PLEKHA8: variants seen among roughly 807,000 people sequenced by gnomAD.
PLEKHA8 encodes pleckstrin homology domain containing A8, also known as pleckstrin homology domain-containing family A member 8.
Under a neutral mutation model 68.2 loss-of-function variants are expected in PLEKHA8, and 36 were observed. That is an observed-to-expected ratio of 0.53 (90% CI 0.40 to 0.70). PLEKHA8 has a LOEUF of 0.70. PLEKHA8 is among the 30% of genes least tolerant of loss of function. The pLI is 0.00. For missense variants in PLEKHA8, 505 were observed against 615.4 expected, an observed-to-expected ratio of 0.82 and a Z score of 1.90; for synonymous variants, 211 against 216.1, an observed-to-expected ratio of 0.98 and a Z score of 0.20.
At position 30,081,990 on chromosome 7, in the gene PLEKHA8, G is replaced by T. The variant is rs534973194; in HGVS notation, c.*3203G>T. On this transcript the variant is annotated 3_prime_UTR_variant, in exon 14 of 14. Coordinates refer to ENST00000449726, the MANE Select transcript of PLEKHA8 (RefSeq NM_001197026.2). Reference sequence around the variant, plus strand: ...TAAATTGGAGAGATCCCTTTTGGGAGTGAAACCAAATTGTAACTATGAGGA... The same window carrying T: ...TAAATTGGAGAGATCCCTTTTGGGATTGAAACCAAATTGTAACTATGAGGA... 1 of 939,332 alleles carries T rather than the reference G, an allele frequency of 1.1e-6. No homozygotes were observed. Among genetic ancestry groups the T allele is most frequent in the East Asian group, 1.2e-4 (1 of 8,530 alleles). The allele number at this position is 939,332 out of a possible 1,614,324, so 58.2% of individuals were successfully genotyped here.
intron 12 of PLEKHA8, chr7:30,090,090 C>T: frequency 6.7e-7 from 1 of 1,491,534 alleles, no homozygotes. Context: ...AGATAAAATA[C>T]AGAAGATTTT....
chr7:30,119,142 G>A (rs912497023), intron 13 of PLEKHA8, among the ~76,000 whole-genome samples: 10 of 152,214 alleles, frequency 6.6e-5, no homozygotes, highest in African/African-American at 1.9e-4. Context: ...CCCAAAAGAT[G>A]ATGACTTCTG....
Position 30,081,516 on chromosome 7 carries a change from G to C in PLEKHA8, c.*2729G>C, listed in dbSNP as rs1300919925. 1 of 985,108 alleles carries C rather than the reference G, an allele frequency of 1.0e-6. No individual in the cohort carries two copies. The highest frequency in any genetic ancestry group is 1.2e-6 in the Non-Finnish European group (1 of 829,820). 61.0% of individuals were successfully genotyped at this position (985,108 alleles called of 1,614,324 possible). ...GCGCTGATGTGTAATCACTTTCCAA[G>C]AAGAGGGCAATGAGAAAAGATATTT... On this transcript the variant is annotated 3_prime_UTR_variant, in exon 14 of 14. Transcript: ENST00000449726.
chr7:30,084,228 A>C lies in PLEKHA8; in HGVS notation c.*5441A>C. 2.0e-6 allele frequency: 2 copies of C among 985,278 alleles called. No homozygotes were observed. The highest frequency in any genetic ancestry group is 2.4e-6 in the Non-Finnish European group (2 of 829,784). 61.0% of individuals were successfully genotyped at this position (985,278 alleles called of 1,614,324 possible). ...AATGTACATAGATTTCCTTGGATTA[A>C]TTTTTAAGTCACTGTTTAATTCCAT... On this transcript the variant is annotated 3_prime_UTR_variant, in exon 14 of 14. Transcript: ENST00000449726.
chr7:30,076,084 C>G (rs2127997570), intron 13 of PLEKHA8, among the ~76,000 whole-genome samples: 1 of 151,792 alleles, frequency 6.6e-6, no homozygotes, highest in East Asian at 1.9e-4. Context: ...TTTATACATG[C>G]ATATAGTATA....
intron 13 of PLEKHA8, among the ~76,000 whole-genome samples, chr7:30,115,405 TCC>T (rs1796395400): frequency 6.6e-6 from 1 of 152,106 alleles, no homozygotes; most frequent in South Asian, 2.1e-4. Context: ...AAATGTTTTC[TCC>T]TTTTTGTATT....
At chr7:30,032,690 T>G (rs1196979975) in intron 1 of PLEKHA8, among the ~76,000 whole-genome samples, 2 of 152,232 alleles carry the variant, frequency 1.3e-5, no homozygotes, top group African/African-American at 4.8e-5. Context: ...AGCAGACTAT[T>G]TCGGGGGTGG....
Position 30,082,329 on chromosome 7 carries a change from C to G in PLEKHA8, c.*3542C>G, listed in dbSNP as rs1225467224. ...CATCAGCACACCAAATCTACCCCCACTTATGTTTGTTCTGCCCCATTTCCC... is the reference window on the plus strand; with the variant it reads ...CATCAGCACACCAAATCTACCCCCAGTTATGTTTGTTCTGCCCCATTTCCC... On this transcript the variant is annotated 3_prime_UTR_variant, in exon 14 of 14. Coordinates refer to ENST00000449726, the MANE Select transcript of PLEKHA8 (RefSeq NM_001197026.2). The G allele has an allele frequency of 3.3e-5, 33 of 985,484 alleles. No individual in the cohort carries two copies. Among genetic ancestry groups the G allele is most frequent in the African/African-American group, 5.2e-5 (3 of 57,248 alleles). The allele number at this position is 985,484 out of a possible 1,614,324, so 61.0% of individuals were successfully genotyped here.
rs2128000230 is a variant in PLEKHA8 at position 30,081,451 on chromosome 7, C to G, written c.*2664C>G. The G allele has an allele frequency of 1.0e-6, 1 of 984,726 alleles. No homozygotes were observed. Among genetic ancestry groups the G allele is most frequent in the South Asian group, 4.7e-5 (1 of 21,270 alleles). 61.0% of individuals were successfully genotyped at this position (984,726 alleles called of 1,614,324 possible). ...GCATAGTCAGAGCTTCCTCCTACAT[C>G]TAAAGTATTTGCTCTCTGTTTTAGT... On this transcript the variant is annotated 3_prime_UTR_variant, in exon 14 of 14. Transcript: ENST00000449726.
At chr7:30,033,755 T>C (rs1220751416) in intron 1 of PLEKHA8, among the ~76,000 whole-genome samples, 1 of 152,136 alleles carries the variant, frequency 6.6e-6, no homozygotes, top group Non-Finnish European at 1.5e-5. Context: ...GACTGCACCA[T>C]TTTACATTCT....
chr7:30,038,908 A>G (rs1791310239), intron 1 of PLEKHA8, among the ~76,000 whole-genome samples: 1 of 152,024 alleles, frequency 6.6e-6, no homozygotes, highest in African/African-American at 2.4e-5. Context: ...CTGTTGGGAA[A>G]TTAAAAAAAA....
intron 13 of PLEKHA8, chr7:30,129,176 A>G: frequency 6.4e-7 from 1 of 1,570,140 alleles, no homozygotes. Flanking sequence ...GGAAACAATA[A>G]TATGTAACAG....
intron 13 of PLEKHA8, among the ~76,000 whole-genome samples, chr7:30,122,579 T>C (rs958052603): frequency 6.6e-6 from 1 of 152,226 alleles, no homozygotes; most frequent in Non-Finnish European, 1.5e-5. Context: ...CCCCCTTCCA[T>C]TGAGAATATC....
At chr7:30,036,035 C>T (rs941592172) in intron 1 of PLEKHA8, among the ~76,000 whole-genome samples, 1 of 152,026 alleles carries the variant, frequency 6.6e-6, no homozygotes, top group African/African-American at 2.4e-5. Context: ...ATGGGCAGAT[C>T]GCTTGAGGCC....
chr7:30,106,544 C>A (rs1484063165), intron 13 of PLEKHA8, among the ~76,000 whole-genome samples: 1 of 152,192 alleles, frequency 6.6e-6, no homozygotes, highest in Non-Finnish European at 1.5e-5. Context: ...CTCTTCTATT[C>A]ATTTGCCTAA....
intron 6 of PLEKHA8, among the ~76,000 whole-genome samples, chr7:30,051,498 T>C (rs1792406940): frequency 6.6e-6 from 1 of 152,184 alleles, no homozygotes; most frequent in South Asian, 2.1e-4. Flanking sequence ...TTTGTTCTAA[T>C]TAGGCTAGGT....
rs558571521 is a variant in PLEKHA8 at position 30,111,551 on chromosome 7, A to G, written c.1363-17715A>G. On this transcript the variant is annotated intron_variant, in intron 13 of 13. Coordinates refer to the PLEKHA8 transcript ENST00000396257. ...TTTCTGTCTTATTTTTTAATTTTCT[A>G]GCTTCTACATTCTTGGGTTTGCATA... Among the ~76,000 whole-genome samples, 438 of 150,198 alleles carry G rather than the reference A, an allele frequency of 2.9e-3. 1 individual carries two copies. The highest frequency in any genetic ancestry group is 1.0e-2 in the African/African-American group (410 of 41,070).
rs1791560922 is a variant in PLEKHA8 at position 30,041,807 on chromosome 7, G to A, written c.41-3278G>A. On this transcript the variant is annotated intron_variant, in intron 1 of 13. Transcript: ENST00000449726. ...AAACTAGTTTAGTACATTTTTTTCA[G>A]TTTTAGGACACTCTTTTTTTTTCAC... Among the ~76,000 whole-genome samples, 5 of 151,970 alleles carry A rather than the reference G, an allele frequency of 3.3e-5. No individual in the cohort carries two copies. In the South Asian group the frequency reaches 1.0e-3, roughly 32 times the overall value.
chr7:30,070,373 C>T (rs571167718), intron 12 of PLEKHA8, among the ~76,000 whole-genome samples: 2 of 152,234 alleles, frequency 1.3e-5, no homozygotes, highest in South Asian at 4.1e-4. Context: ...CATCCTTAAG[C>T]CAGACTCCCC....
Sources: allele counts gnomAD v4.1 joint callset (sites outside exome capture counted in the v4.1 genomes callset), GRCh38; gene constraint gnomAD v4.1.1; transcripts MANE v1.5; gene names NCBI Gene and HGNC (gene_info 2026-07-23, HGNC 2026-07-21).